The following COL26A1 variants were observed in gnomAD, a reference collection of about 807,000 sequenced individuals.
COL26A1 encodes the protein collagen alpha-1(XXVI) chain.
In COL26A1, 41 loss-of-function variants were observed where a neutral mutation model predicts 59.3. The observed-to-expected ratio is 0.69, with a 90% CI of 0.54 to 0.90. COL26A1 has a LOEUF of 0.90. Ranked by LOEUF, COL26A1 falls within the 40% of genes least tolerant of loss-of-function variation. The probability of loss-of-function intolerance (pLI) is 0.00; values close to 1 mark genes in which losing one functional copy is unlikely to be tolerated. For missense variants in COL26A1, 612 were observed against 602.3 expected (o/e 1.02, Z -0.17); for synonymous variants, 266 against 256.0 (o/e 1.04, Z -0.37).
intron 3 of COL26A1, among the ~76,000 whole-genome samples, chr7:101,455,780 T>A (rs1793456476): frequency 6.6e-6 from 1 of 152,150 alleles, no homozygotes; most frequent in African/African-American, 2.4e-5. Context: ...CCTCCTGGGT[T>A]CAAACCATTC....
chr7:101,522,821 T>TAAA (rs34459389), intron 3 of COL26A1, among the ~76,000 whole-genome samples: 15 of 144,722 alleles, frequency 1.0e-4, no homozygotes, highest in Non-Finnish European at 1.8e-4. Flanking sequence ...AATACTTGGT[T>TAAA]AAAAAAAAAA....
At chr7:101,465,300 A>G (rs1456772155) in intron 3 of COL26A1, among the ~76,000 whole-genome samples, 6 of 152,048 alleles carry the variant, frequency 3.9e-5, no homozygotes, top group Non-Finnish European at 5.9e-5. Context: ...TCAGCTTCTC[A>G]AAGTGCTGGC....
intron 3 of COL26A1, among the ~76,000 whole-genome samples, chr7:101,469,864 A>G (rs1266934354): frequency 6.6e-6 from 1 of 152,056 alleles, no homozygotes; most frequent in South Asian, 2.1e-4. Context: ...CACTTTGCTG[A>G]TGGTTACCAT....
chr7:101,404,988 C>T (rs559694334), intron 1 of COL26A1, among the ~76,000 whole-genome samples: 4 of 152,234 alleles, frequency 2.6e-5, no homozygotes, highest in South Asian at 2.1e-4. Context: ...CTTTGGGAGG[C>T]GGAGGCGGGC....
At chr7:101,405,180 G>A (rs993436370) in intron 1 of COL26A1, among the ~76,000 whole-genome samples, 78 of 151,890 alleles carry the variant, frequency 5.1e-4, no homozygotes, top group Non-Finnish European at 1.0e-3. Context: ...CTGAGATCGC[G>A]CCACTGCACT....
intron 3 of COL26A1, among the ~76,000 whole-genome samples, chr7:101,458,578 C>G (rs187989528): frequency 2.7e-4 from 41 of 151,892 alleles, no homozygotes; most frequent in African/African-American, 8.9e-4. Context: ...TTAGAGTGAT[C>G]TAAGTGAGCC....
At position 101,544,037 on chromosome 7, in the gene COL26A1, C is replaced by T. The variant is rs1795674403; in HGVS notation, c.644C>T (p.Pro215Leu). 6.3e-7 allele frequency: 1 copy of T among 1,599,558 alleles called. No individual in the cohort carries two copies. Among genetic ancestry groups the T allele is most frequent in the Non-Finnish European group, 8.5e-7 (1 of 1,173,870 alleles). ...GQTGPPGPAG[P>L]PGSKGDRGQT... is the part of the protein sequence containing the mutation. ...ACAGGACCACCAGGGCCTGCAGGCCCCCCCGGGTCTAAAGGTGACCGAGGC... is the reference window on the plus strand; with the variant it reads ...ACAGGACCACCAGGGCCTGCAGGCCTCCCCGGGTCTAAAGGTGACCGAGGC... Residue 215 changes from proline (P) to leucine (L), a missense_variant, in exon 6 of 13, where the codon CCC becomes CTC. Transcript: ENST00000313669.
intron 3 of COL26A1, among the ~76,000 whole-genome samples, chr7:101,527,747 T>C (rs10279545): frequency 0.52 from 79,054 of 151,624 alleles, 21,868 homozygotes; most frequent in African/African-American, 0.68. Context: ...CTGGTTTCTG[T>C]GTGGGTCCTA....
chr7:101,511,836 C>T (rs759197642), intron 3 of COL26A1, among the ~76,000 whole-genome samples: 1 of 151,854 alleles, frequency 6.6e-6, no homozygotes, highest in African/African-American at 2.4e-5. Context: ...CTACAAAACC[C>T]CCCAAAATTA....
chr7:101,374,690 C>T (rs775257109), intron 1 of COL26A1, among the ~76,000 whole-genome samples: 14 of 152,126 alleles, frequency 9.2e-5, no homozygotes, highest in South Asian at 4.2e-4. Flanking sequence ...AAGCTCAGGG[C>T]TCCCATTGAT....
chr7:101,489,862 C>G (rs1794407597), intron 3 of COL26A1, among the ~76,000 whole-genome samples: 1 of 44,884 alleles, frequency 2.2e-5, no homozygotes, highest in Non-Finnish European at 4.1e-5. Context: ...TTCTTTCTTT[C>G]TTTCTTTCTT....
chr7:101,489,866 CT>C (rs1563008360), intron 3 of COL26A1, among the ~76,000 whole-genome samples: 1 of 52,432 alleles, frequency 1.9e-5, no homozygotes, highest in African/African-American at 6.7e-5. Context: ...TTCTTTCTTT[CT>C]TTCTTTCTTT....
At chr7:101,460,379 A>G (rs973493890) in intron 3 of COL26A1, among the ~76,000 whole-genome samples, 1 of 152,146 alleles carries the variant, frequency 6.6e-6, no homozygotes, top group African/African-American at 2.4e-5. Flanking sequence ...TAAGTTTCTC[A>G]GAATCCCACT....
In COL26A1 at chr7:101,520,555, T is replaced by C. The variant is rs562837153; in HGVS notation, c.386-12527T>C. ...TTTAAAAATTAGCTGGGCATGGTGG[T>C]GCACACCTGTACTCCCAGCTACTCA... is the stretch of plus-strand genomic sequence containing the variant. On this transcript the variant is annotated intron_variant, in intron 3 of 12. Transcript: ENST00000313669. 2.0e-5 allele frequency among the ~76,000 whole-genome samples: 3 copies of C among 151,656 alleles called. No individual in the cohort carries two copies. In the South Asian group the frequency reaches 6.3e-4, roughly 32 times the overall value.
At chr7:101,508,238 C>T (rs1794852318) in intron 3 of COL26A1, among the ~76,000 whole-genome samples, 1 of 152,112 alleles carries the variant, frequency 6.6e-6, no homozygotes, top group South Asian at 2.1e-4. Flanking sequence ...ATTCCTTAAC[C>T]TGGCCAGGCG....
chr7:101,444,659 C>T (rs1413978999), intron 2 of COL26A1, among the ~76,000 whole-genome samples: 1 of 151,850 alleles, frequency 6.6e-6, no homozygotes, highest in Non-Finnish European at 1.5e-5. Flanking sequence ...AGGTGATCCG[C>T]CCACCTCGGC....
intron 3 of COL26A1, among the ~76,000 whole-genome samples, chr7:101,479,468 A>G (rs867187643): frequency 3.3e-5 from 5 of 152,204 alleles, no homozygotes; most frequent in Middle Eastern, 3.4e-3. Context: ...TCTAGCCTCT[A>G]TTGTTGCTGT....
At chr7:101,544,209 G>A (rs190443295) in intron 6 of COL26A1, 113 bp downstream of exon 6, 8 of 722,502 alleles carry the variant, frequency 1.1e-5, no homozygotes, top group Non-Finnish European at 1.8e-5. Context: ...ATCTTGCTGG[G>A]TACCAGAAAA....
intron 1 of COL26A1, among the ~76,000 whole-genome samples, chr7:101,411,191 G>A (rs746721939): frequency 6.6e-6 from 1 of 152,184 alleles, no homozygotes; most frequent in Non-Finnish European, 1.5e-5. Context: ...CTTCTGGGAT[G>A]CAGGGGTTGG....
Sources: gnomAD v4.1 joint callset for allele counts (sites outside exome capture counted in the v4.1 genomes callset) on GRCh38, gnomAD v4.1.1 for gene constraint, MANE v1.5 for transcripts, NCBI Gene and HGNC (gene_info 2026-07-23, HGNC 2026-07-21) for gene names.